Variants in GRAMD1C observed in about 807,000 individuals in gnomAD.
GRAMD1C encodes protein Aster-C.
A neutral mutation model predicts 97.8 loss-of-function variants in GRAMD1C; 89 were observed. The ratio of observed to expected loss-of-function variants is 0.91; its 90% confidence interval spans 0.77 to 1.09. The LOEUF (loss-of-function observed/expected upper bound fraction) is 1.09. GRAMD1C is among the 50% of genes least tolerant of loss of function. The pLI is 0.00. For synonymous variants in GRAMD1C, 256 were observed against 267.0 expected (o/e 0.96, Z 0.40); for missense variants, 740 against 766.4 (o/e 0.97, Z 0.41).
At chr3:113,889,810 G>T (rs544566909) in intron 6 of GRAMD1C, among the ~76,000 whole-genome samples, 3 of 152,120 alleles carry the variant, frequency 2.0e-5, no homozygotes, top group Admixed American at 6.5e-5. Context: ...GGCTAATTTT[G>T]TATTTTTAGT....
chr3:113,830,326 C>G (rs531710067), intron 1 of GRAMD1C, among the ~76,000 whole-genome samples: 2 of 152,164 alleles, frequency 1.3e-5, no homozygotes, highest in African/African-American at 4.8e-5. Context: ...ATCCAGGTAG[C>G]CCTTTTCTAT....
At chr3:113,945,361 A>G (rs1938016917) in intron 17 of GRAMD1C, 37 bp from the exon 18 acceptor site, 1 of 1,331,854 alleles carries the variant, frequency 7.5e-7, no homozygotes, top group Non-Finnish European at 1.1e-6. Context: ...CTGATTAGAA[A>G]AATTAATCTG....
intron 8 of GRAMD1C, among the ~76,000 whole-genome samples, chr3:113,908,562 A>C (rs933158230): frequency 1.3e-5 from 2 of 151,944 alleles, no homozygotes; most frequent in African/African-American, 4.8e-5. Context: ...TTCTTCCTTG[A>C]GATGATGGGG....
At chr3:113,924,467 G>C (rs1033015224) in intron 10 of GRAMD1C, among the ~76,000 whole-genome samples, 1 of 152,048 alleles carries the variant, frequency 6.6e-6, no homozygotes, top group Non-Finnish European at 1.5e-5. Flanking sequence ...GGTATTTTCT[G>C]TCTTTGTTCT....
At chr3:113,925,950 G>T (rs1375839368) in intron 10 of GRAMD1C, among the ~76,000 whole-genome samples, 3 of 152,154 alleles carry the variant, frequency 2.0e-5, no homozygotes, top group Non-Finnish European at 4.4e-5. Context: ...CCCTTTGTAG[G>T]TGGCCTGCCC....
chr3:113,930,813 C>G lies in GRAMD1C; in HGVS notation c.1190C>G (p.Thr397Ser). Residue 397 changes from threonine (T) to serine (S), a missense_variant, in exon 11 of 18, where the codon ACT (threonine) becomes AGT (serine). Coordinates refer to ENST00000358160, the MANE Select transcript of GRAMD1C (RefSeq NM_017577.5). ...VLNSPLTGKC[T>S]AATEKQTLYK... ...AATAGTCCACTTACTGGAAAATGCA[C>G]TGCTGCCACTGAAAAGCAGGTACGT... 2 of 1,586,782 alleles carry G rather than the reference C, an allele frequency of 1.3e-6. No homozygotes were observed. The highest frequency in any genetic ancestry group is 1.7e-6 in the Non-Finnish European group (2 of 1,155,158).
intron 2 of GRAMD1C, among the ~76,000 whole-genome samples, chr3:113,863,159 TAAG>T (rs1193688384): frequency 6.6e-6 from 1 of 152,218 alleles, no homozygotes; most frequent in African/African-American, 2.4e-5. Context: ...TTATTCATAA[TAAG>T]CAAAAAGTTG....
chr3:113,911,208 G>C (rs1355761550), intron 9 of GRAMD1C, among the ~76,000 whole-genome samples: 1 of 75,104 alleles, frequency 1.3e-5, no homozygotes, highest in Non-Finnish European at 3.4e-5. Flanking sequence ...GAGAGAGAGA[G>C]AGCATACATG....
chr3:113,901,678 A>G (rs115777102), intron 7 of GRAMD1C, among the ~76,000 whole-genome samples: 4,321 of 152,310 alleles, frequency 0.028, 219 homozygotes, highest in African/African-American at 0.099. Flanking sequence ...AGAAATTAAG[A>G]GTACAGAGAG....
chr3:113,885,236 CGG>C (rs1019555921), intron 6 of GRAMD1C: 10 of 1,015,140 alleles, frequency 9.9e-6, no homozygotes, highest in Non-Finnish European at 1.3e-5. Context: ...GGGTTGCCCC[CGG>C]GGGGCTGGCG....
intron 3 of GRAMD1C, among the ~76,000 whole-genome samples, chr3:113,873,589 G>A (rs1049033486): frequency 6.6e-6 from 1 of 151,974 alleles, no homozygotes; most frequent in Admixed American, 6.6e-5. Context: ...CATGATCTCA[G>A]CTCACTGTAA....
At chr3:113,891,000 G>A (rs2107423690) in intron 6 of GRAMD1C, 1 of 476,578 alleles carries the variant, frequency 2.1e-6, no homozygotes, top group South Asian at 3.8e-5. Flanking sequence ...GATATTATCT[G>A]TGTTTCTGAT....
At chr3:113,849,440 A>G (rs373592945) in intron 2 of GRAMD1C, among the ~76,000 whole-genome samples, 22 of 151,890 alleles carry the variant, frequency 1.4e-4, no homozygotes, top group African/African-American at 4.6e-4. Flanking sequence ...AGGACCCTGC[A>G]GCCTTCCGCA....
chr3:113,868,049 T>C (rs1427295859), intron 2 of GRAMD1C, among the ~76,000 whole-genome samples: 2 of 152,206 alleles, frequency 1.3e-5, no homozygotes, highest in Non-Finnish European at 2.9e-5. Flanking sequence ...CTTTCTGTCA[T>C]TTTGAATTTG....
chr3:113,908,278 A>G (rs1189889246), intron 8 of GRAMD1C, among the ~76,000 whole-genome samples: 1 of 152,238 alleles, frequency 6.6e-6, no homozygotes, highest in Non-Finnish European at 1.5e-5. Flanking sequence ...CTAACATAGC[A>G]ATAGCATCAT....
intron 5 of GRAMD1C, among the ~76,000 whole-genome samples, chr3:113,878,160 T>C (rs982517495): frequency 1.3e-5 from 2 of 152,240 alleles, no homozygotes; most frequent in African/African-American, 4.8e-5. Flanking sequence ...CTTATGTCAG[T>C]ATGAACTGGT....
At chr3:113,846,502 A>T (rs564142427) in intron 2 of GRAMD1C, among the ~76,000 whole-genome samples, 38 of 152,238 alleles carry the variant, frequency 2.5e-4, no homozygotes, top group Non-Finnish European at 4.3e-4. Flanking sequence ...TGTGGTTACT[A>T]TTGACAGACT....
chr3:113,870,276 T>C (rs770218856), intron 3 of GRAMD1C, among the ~76,000 whole-genome samples: 6 of 151,286 alleles, frequency 4.0e-5, no homozygotes, highest in Non-Finnish European at 8.8e-5. Context: ...GATGAGAGAA[T>C]CACTGAGCCC....
intron 8 of GRAMD1C, among the ~76,000 whole-genome samples, chr3:113,906,462 TAAG>T (rs1936375712): frequency 6.6e-6 from 1 of 151,814 alleles, no homozygotes; most frequent in Non-Finnish European, 1.5e-5. Flanking sequence ...AATAACAAAA[TAAG>T]AAAAAATTAA....
Sources: allele counts gnomAD v4.1 joint callset (sites outside exome capture counted in the v4.1 genomes callset), GRCh38; gene constraint gnomAD v4.1.1; transcripts MANE v1.5; gene names NCBI Gene and HGNC (gene_info 2026-07-23, HGNC 2026-07-21).